FMN2: variants seen among roughly 807,000 people sequenced by gnomAD.
FMN2 encodes formin-2.
A neutral mutation model predicts 142.3 loss-of-function variants in FMN2; 51 were observed. The observed-to-expected ratio is 0.36, with a 90% CI of 0.29 to 0.45. The LOEUF is 0.45. Ranked by LOEUF, FMN2 falls within the 20% of genes least tolerant of loss-of-function variation. The pLI is 1.00. For missense variants in FMN2, 1,936 were observed against 2,122.8 expected, an observed-to-expected ratio of 0.91 and a Z score of 1.73; for synonymous variants, 882 against 869.8, an observed-to-expected ratio of 1.01 and a Z score of -0.25.
At chr1:240,386,605 C>A (rs1385567383) in intron 14 of FMN2, among the ~76,000 whole-genome samples, 1 of 152,110 alleles carries the variant, frequency 6.6e-6, no homozygotes, top group Non-Finnish European at 1.5e-5. Context: ...AGCCAGACAG[C>A]GACTACAGAC....
intron 13 of FMN2, among the ~76,000 whole-genome samples, chr1:240,353,389 A>G (rs1220480455): frequency 6.6e-6 from 1 of 152,212 alleles, no homozygotes; most frequent in Non-Finnish European, 1.5e-5. Context: ...AGGCACATTC[A>G]GTGGATGGGT....
intron 2 of FMN2, among the ~76,000 whole-genome samples, chr1:240,148,194 A>G (rs940778818): frequency 7.9e-5 from 12 of 152,036 alleles, no homozygotes; most frequent in African/African-American, 2.9e-4. Context: ...AGAGACAGGG[A>G]CAGAGACAGA....
intron 13 of FMN2, among the ~76,000 whole-genome samples, chr1:240,354,508 A>G (rs1448080111): frequency 6.6e-6 from 1 of 152,142 alleles, no homozygotes; most frequent in Non-Finnish European, 1.5e-5. Flanking sequence ...TGGGCTATAG[A>G]TACAGGTTAG....
At chr1:240,354,092 G>T (rs1359127792) in intron 13 of FMN2, among the ~76,000 whole-genome samples, 1 of 152,158 alleles carries the variant, frequency 6.6e-6, no homozygotes, top group East Asian at 1.9e-4. Flanking sequence ...GTGTAGCTGA[G>T]AGGGCAGAGG....
At chr1:240,384,363 C>T (rs1254650985) in intron 14 of FMN2, among the ~76,000 whole-genome samples, 1 of 152,072 alleles carries the variant, frequency 6.6e-6, no homozygotes, top group Non-Finnish European at 1.5e-5. Flanking sequence ...ACAGTTCAGC[C>T]TCTTTTGCTT....
intron 1 of FMN2, among the ~76,000 whole-genome samples, chr1:240,101,587 C>T (rs187690290): frequency 2.0e-5 from 3 of 151,788 alleles, no homozygotes; most frequent in Non-Finnish European, 4.4e-5. Context: ...CAAGCGGGAG[C>T]GCAGTGGTGT....
intron 15 of FMN2, among the ~76,000 whole-genome samples, chr1:240,401,929 A>G (rs760613977): frequency 2.0e-5 from 3 of 152,208 alleles, no homozygotes; most frequent in Non-Finnish European, 2.9e-5. Flanking sequence ...CATATGTAAA[A>G]AGGAATATAA....
At chr1:240,305,941 A>G (rs1009725643) in intron 8 of FMN2, among the ~76,000 whole-genome samples, 1 of 138,682 alleles carries the variant, frequency 7.2e-6, no homozygotes, top group Non-Finnish European at 1.6e-5. Context: ...TAGACTAGAT[A>G]TGCTTGTAAG....
intron 6 of FMN2, among the ~76,000 whole-genome samples, chr1:240,216,503 A>C (rs896896509): frequency 6.6e-6 from 1 of 152,220 alleles, no homozygotes; most frequent in Non-Finnish European, 1.5e-5. Flanking sequence ...AATGGGAGAA[A>C]AAGTATGACA....
Position 240,144,919 on chromosome 1 carries a change from T to G in FMN2, c.1782+21574T>G. ...GCCTGATATACTCATGACTCCATGA[T>G]GCCAATTCCTTCTGGGAGCCTACTA... is the stretch of plus-strand genomic sequence containing the variant. On this transcript the variant is annotated intron_variant, in intron 2 of 17. Transcript: ENST00000319653. The G allele has an allele frequency of 2.2e-6, 3 of 1,342,646 alleles. No homozygotes were observed. The South Asian group carries it at 3.5e-5, about 16-fold the overall frequency. The allele number at this position is 1,342,646 out of a possible 1,614,324, so 83.2% of individuals were successfully genotyped here. A position where few individuals can be genotyped will look rare whatever the true frequency, so the allele number is the denominator to read the frequency against.
intron 6 of FMN2, among the ~76,000 whole-genome samples, chr1:240,212,895 T>C (rs1482475636): frequency 2.0e-5 from 3 of 152,158 alleles, no homozygotes; most frequent in Admixed American, 6.5e-5. Context: ...ACTCAGAAAA[T>C]TGAGCCATGC....
intron 4 of FMN2, among the ~76,000 whole-genome samples, chr1:240,192,340 G>A (rs1002560974): frequency 6.6e-6 from 1 of 152,072 alleles, no homozygotes; most frequent in African/African-American, 2.4e-5. Flanking sequence ...AAAAGAAAGT[G>A]GAGTAAAAGT....
intron 2 of FMN2, among the ~76,000 whole-genome samples, chr1:240,174,701 A>G (rs74850179): frequency 0.012 from 1,892 of 152,216 alleles, 35 homozygotes; most frequent in African/African-American, 0.044. Flanking sequence ...CACAGTATCC[A>G]TGTTACCTCT....
At chr1:240,176,406 G>A (rs1326597046) in intron 2 of FMN2, among the ~76,000 whole-genome samples, 1 of 152,198 alleles carries the variant, frequency 6.6e-6, no homozygotes, top group Non-Finnish European at 1.5e-5. Flanking sequence ...CACCTTGTGT[G>A]AAAGGTCCAT....
chr1:240,256,601 A>AT, intron 6 of FMN2, among the ~76,000 whole-genome samples: 1 of 151,410 alleles, frequency 6.6e-6, no homozygotes, highest in East Asian at 2.0e-4. Flanking sequence ...AAAAAAAAAA[A>AT]ATAGCTGGGC....
chr1:240,320,074 TAGC>T (rs1182110549), intron 8 of FMN2, among the ~76,000 whole-genome samples: 2 of 152,186 alleles, frequency 1.3e-5, no homozygotes, highest in Non-Finnish European at 2.9e-5. Flanking sequence ...GCATCCAGGT[TAGC>T]AGCAACTGGG....
chr1:240,130,495 G>C (rs1662691708), intron 2 of FMN2, among the ~76,000 whole-genome samples: 1 of 151,960 alleles, frequency 6.6e-6, no homozygotes, highest in African/African-American at 2.4e-5. Flanking sequence ...GTAGAAACAG[G>C]GTTTCACTGT....
chr1:240,395,358 T>G (rs1673739875), intron 15 of FMN2, among the ~76,000 whole-genome samples: 1 of 152,202 alleles, frequency 6.6e-6, no homozygotes, highest in South Asian at 2.1e-4. Context: ...ATTTTGTAGC[T>G]CATGGATCAA....
intron 2 of FMN2, 33 bp downstream of exon 2, chr1:240,123,378 C>T (rs1662364085): frequency 1.3e-6 from 2 of 1,595,838 alleles, no homozygotes; most frequent in African/African-American, 1.3e-5. Flanking sequence ...GTCCGTGAGG[C>T]AGATTTGCTG....
Sources: gnomAD v4.1 joint callset for allele counts (sites outside exome capture counted in the v4.1 genomes callset) on GRCh38, gnomAD v4.1.1 for gene constraint, MANE v1.5 for transcripts, NCBI Gene and HGNC (gene_info 2026-07-23, HGNC 2026-07-21) for gene names.